DYM: variants seen among roughly 807,000 people sequenced by gnomAD.
DYM encodes dyggve-Melchior-Clausen syndrome protein.
DYM carries 78 observed loss-of-function variants against 93.1 expected under a neutral mutation model. That is an observed-to-expected ratio of 0.84 (90% CI 0.70 to 1.01). The LOEUF is 1.01. Ranked by LOEUF, DYM falls within the 50% of genes least tolerant of loss-of-function variation. The pLI is 0.00. For missense variants in DYM, 789 were observed against 845.0 expected, an observed-to-expected ratio of 0.93 and a Z score of 0.82; for synonymous variants, 321 against 319.7, an observed-to-expected ratio of 1.00 and a Z score of -0.04.
intron 16 of DYM, among the ~76,000 whole-genome samples, chr18:49,100,813 C>T (rs1294408458): frequency 6.6e-6 from 1 of 152,184 alleles, no homozygotes; most frequent in African/African-American, 2.4e-5. Flanking sequence ...ACAAACTAGA[C>T]TGGGGTGGCC....
chr18:49,301,953 C>T (rs1285603543), intron 8 of DYM, among the ~76,000 whole-genome samples: 1 of 152,308 alleles, frequency 6.6e-6, no homozygotes, highest in East Asian at 1.9e-4. Flanking sequence ...AAATAAGACA[C>T]ATGGTGGTTC....
chr18:49,167,417 C>A (rs908208078), intron 14 of DYM, among the ~76,000 whole-genome samples: 9 of 152,154 alleles, frequency 5.9e-5, no homozygotes, highest in Non-Finnish European at 1.2e-4. Context: ...TTTGAGGTCA[C>A]ATTCAGCTCT....
At chr18:49,385,759 C>G in intron 3 of DYM, among the ~76,000 whole-genome samples, 1 of 151,648 alleles carries the variant, frequency 6.6e-6, no homozygotes, top group Non-Finnish European at 1.5e-5. Context: ...AGTAATAAAG[C>G]TAAACACAAA....
At chr18:49,322,444 T>C (rs1374289471) in intron 8 of DYM, among the ~76,000 whole-genome samples, 2 of 151,958 alleles carry the variant, frequency 1.3e-5, no homozygotes, top group Non-Finnish European at 2.9e-5. Flanking sequence ...TTTTTAGACA[T>C]TGGAGAAAAA....
At chr18:49,292,347 G>GAC (rs1389526313) in intron 8 of DYM, among the ~76,000 whole-genome samples, 1,031 of 68,096 alleles carry the variant, frequency 0.015, 9 homozygotes, top group African/African-American at 0.024. Context: ...CAGACAGACA[G>GAC]ACAGACAGAC....
intron 15 of DYM, among the ~76,000 whole-genome samples, chr18:49,138,962 T>G (rs1168223283): frequency 6.6e-6 from 1 of 152,122 alleles, no homozygotes; most frequent in Non-Finnish European, 1.5e-5. Flanking sequence ...GAATGCATAA[T>G]TTATTAGCAG....
intron 8 of DYM, among the ~76,000 whole-genome samples, chr18:49,294,875 G>A (rs1474459970): frequency 1.3e-5 from 2 of 152,066 alleles, no homozygotes; most frequent in Non-Finnish European, 2.9e-5. Flanking sequence ...CTGTAATACT[G>A]ATACAAACCA....
At chr18:49,292,627 C>CAAAAAAAAAAAA (rs1182623256) in intron 8 of DYM, among the ~76,000 whole-genome samples, 1 of 115,910 alleles carries the variant, frequency 8.6e-6, no homozygotes, top group Non-Finnish European at 1.8e-5. Context: ...AAAAAAAAAC[C>CAAAAAAAAAAAA]CCCACAAAAA....
intron 15 of DYM, among the ~76,000 whole-genome samples, chr18:49,151,480 G>A (rs141789298): frequency 6.5e-4 from 99 of 152,260 alleles, no homozygotes; most frequent in African/African-American, 2.2e-3. Context: ...AACATTTGTA[G>A]CTTTGACTAT....
At chr18:49,072,720 T>C (rs1870639775) in intron 17 of DYM, among the ~76,000 whole-genome samples, 2 of 152,228 alleles carry the variant, frequency 1.3e-5, no homozygotes, top group Admixed American at 6.5e-5. Context: ...AAAGGCTCCT[T>C]GAAGGAGTCA....
intron 13 of DYM, among the ~76,000 whole-genome samples, chr18:49,239,453 T>C (rs922275976): frequency 4.2e-4 from 64 of 152,354 alleles, no homozygotes; most frequent in African/African-American, 1.5e-3. Flanking sequence ...CCAGCACTTA[T>C]GCCCTTCTGT....
intron 13 of DYM, among the ~76,000 whole-genome samples, chr18:49,221,169 T>A (rs1412486354): frequency 6.6e-6 from 1 of 152,058 alleles, no homozygotes; most frequent in Non-Finnish European, 1.5e-5. Context: ...TCACCATCAC[T>A]GGCCATCAGA....
intron 3 of DYM, among the ~76,000 whole-genome samples, chr18:49,380,128 GAATAT>G (rs1267792104): frequency 2.0e-5 from 3 of 151,896 alleles, no homozygotes; most frequent in African/African-American, 4.8e-5. Flanking sequence ...CCAGTATATA[GAATAT>G]AATAAACTAT....
At chr18:49,147,883 C>T (rs1365492144) in intron 15 of DYM, among the ~76,000 whole-genome samples, 1 of 152,174 alleles carries the variant, frequency 6.6e-6, no homozygotes, top group African/African-American at 2.4e-5. Context: ...GCTATAAAGA[C>T]ACATGCACGT....
At chr18:49,358,804 T>C (rs968523369) in intron 6 of DYM, among the ~76,000 whole-genome samples, 2 of 151,992 alleles carry the variant, frequency 1.3e-5, no homozygotes, top group Admixed American at 6.6e-5. Flanking sequence ...GACATCCTCA[T>C]GTACAACTAA....
At chr18:49,078,512 A>C (rs1218060484) in intron 17 of DYM, among the ~76,000 whole-genome samples, 1 of 152,054 alleles carries the variant, frequency 6.6e-6, no homozygotes, top group African/African-American at 2.4e-5. Flanking sequence ...ATAGATTATA[A>C]ATCCTAAAAA....
chr18:49,458,556 G>A (rs189168001), intron 1 of DYM, among the ~76,000 whole-genome samples: 23 of 152,218 alleles, frequency 1.5e-4, no homozygotes, highest in African/African-American at 5.5e-4. Flanking sequence ...AAAAGAGCAG[G>A]CCAGGTGCAG....
intron 6 of DYM, among the ~76,000 whole-genome samples, chr18:49,357,096 A>G (rs2065634005): frequency 6.6e-6 from 1 of 152,198 alleles, no homozygotes; most frequent in South Asian, 2.1e-4. Flanking sequence ...TACATTATTC[A>G]TACCTAAGAA....
chr18:49,084,017 C>T (rs1167538584), intron 17 of DYM, among the ~76,000 whole-genome samples: 2 of 151,818 alleles, frequency 1.3e-5, no homozygotes, highest in South Asian at 2.1e-4. Context: ...GATTTCTGCC[C>T]TTTTGCTTAT....
Sources: gnomAD v4.1 joint callset for allele counts (sites outside exome capture counted in the v4.1 genomes callset) on GRCh38, gnomAD v4.1.1 for gene constraint, MANE v1.5 for transcripts, NCBI Gene and HGNC (gene_info 2026-07-23, HGNC 2026-07-21) for gene names.